Variants in SYT6 observed in about 807,000 individuals in gnomAD.
SYT6 encodes the protein synaptotagmin-6.
SYT6 carries 24 observed loss-of-function variants against 38.4 expected under a neutral mutation model. That is an observed-to-expected ratio of 0.62 (90% CI 0.45 to 0.88). The LOEUF (loss-of-function observed/expected upper bound fraction) is 0.88, where lower values mean the gene tolerates loss of function less well. Among genes scored for constraint, SYT6 ranks in the 40% least tolerant of loss-of-function variants. The pLI, the probability that SYT6 is intolerant of heterozygous loss-of-function variation, is 0.00. For missense variants in SYT6, 611 were observed against 621.0 expected, an observed-to-expected ratio of 0.98 and a Z score of 0.17; for synonymous variants, 265 against 241.9, an observed-to-expected ratio of 1.10 and a Z score of -0.89.
At chr1:114,095,227 C>G (rs552327936) in intron 6 of SYT6, among the ~76,000 whole-genome samples, 3 of 152,294 alleles carry the variant, frequency 2.0e-5, no homozygotes, top group South Asian at 2.1e-4. Flanking sequence ...GTTACTTTCC[C>G]ATTACTGTCT....
intron 7 of SYT6, among the ~76,000 whole-genome samples, chr1:114,092,334 C>CT (rs1234407547): frequency 7.2e-6 from 1 of 138,398 alleles, no homozygotes; most frequent in African/African-American, 2.6e-5. Context: ...CTCTCTCTCT[C>CT]TCTCTGTGTG....
At chr1:114,092,352 G>C (rs932371624) in intron 7 of SYT6, among the ~76,000 whole-genome samples, 156 of 150,908 alleles carry the variant, frequency 1.0e-3, no homozygotes, top group African/African-American at 3.3e-3. Flanking sequence ...GTGTGTGTGT[G>C]TGTGTGTGTG....
At position 114,139,639 on chromosome 1, in the gene SYT6, G is replaced by C. The variant is rs377145374; in HGVS notation, c.488C>G (p.Thr163Ser). ...IMRHTRLQRQTTEPASSTRHT... is the reference protein window; with the variant it reads ...IMRHTRLQRQSTEPASSTRHT... ...CCTGGTGGATGACGCTGGCTCTGTA[G>C]TTTGCCGCTGCAGCCGGGTGTGACG... Residue 163 changes from threonine to serine, a missense_variant, in exon 2 of 8, where the codon ACT becomes AGT. Thr to Ser is a moderately conservative substitution (Grantham distance 58). Coordinates refer to ENST00000610222, the MANE Select transcript of SYT6 (RefSeq NM_001253772.2). The C allele has an allele frequency of 5.0e-6, 8 of 1,614,100 alleles. No homozygotes were observed. The highest frequency in any genetic ancestry group is 6.8e-6 in the Non-Finnish European group (8 of 1,180,052).
intron 7 of SYT6, among the ~76,000 whole-genome samples, chr1:114,092,342 G>C (rs57663592): frequency 0.093 from 11,360 of 122,642 alleles, 1,370 homozygotes; most frequent in African/African-American, 0.31. Flanking sequence ...CTCTCTCTGT[G>C]TGTGTGTGTG....
chr1:114,140,239 T>G (rs952553973), intron 1 of SYT6, among the ~76,000 whole-genome samples: 1 of 151,520 alleles, frequency 6.6e-6, no homozygotes, highest in African/African-American at 2.4e-5. Context: ...CCAGCCAGCT[T>G]GGGGAGCACC....
In SYT6 at chr1:114,148,746, C is replaced by G. The variant is rs868848454; in HGVS notation, c.163+4864G>C. On this transcript the variant is annotated intron_variant, in intron 1 of 7. Coordinates refer to ENST00000610222, the MANE Select transcript of SYT6 (RefSeq NM_001253772.2). ...ATGCCCTTTACATTATCTAATTTAA[C>G]CTTTCTAGCCTCCCTAAGAAATTGG... Among the ~76,000 whole-genome samples the G allele has an allele frequency of 7.9e-5, 12 of 152,172 alleles. No individual in the cohort carries two copies. The Middle Eastern group carries it at 0.014, about 173-fold the overall frequency.
chr1:114,150,300 A>G (rs1679379480), intron 1 of SYT6, among the ~76,000 whole-genome samples: 1 of 152,224 alleles, frequency 6.6e-6, no homozygotes, highest in South Asian at 2.1e-4. Flanking sequence ...TTCTAGAACT[A>G]TAAATCTAAG....
At chr1:114,107,529 G>A (rs531269792) in intron 3 of SYT6, among the ~76,000 whole-genome samples, 5 of 152,358 alleles carry the variant, frequency 3.3e-5, no homozygotes, top group East Asian at 1.9e-4. Context: ...GGCTTCGCAC[G>A]GGGGAGTGGC....
chr1:114,122,707 T>C (rs1451627614), intron 3 of SYT6, among the ~76,000 whole-genome samples: 2 of 152,140 alleles, frequency 1.3e-5, no homozygotes, highest in Non-Finnish European at 2.9e-5. Context: ...ACCCACTCCC[T>C]AAAAAGAGCT....
chr1:114,138,098 A>C, intron 2 of SYT6, 45 bp from the exon 3 acceptor site: 24 of 1,553,908 alleles, frequency 1.5e-5, no homozygotes, highest in Non-Finnish European at 1.9e-5. Flanking sequence ...GTCAGGGCTC[A>C]GGGGAAGGGG....
chr1:114,122,527 A>G (rs1438342666), intron 3 of SYT6, among the ~76,000 whole-genome samples: 1 of 119,158 alleles, frequency 8.4e-6, no homozygotes, highest in African/African-American at 3.2e-5. Context: ...GAGCATATGC[A>G]CACACACACG....
At position 114,153,854 on chromosome 1, in the gene SYT6, A is replaced by C; in HGVS notation, c.-82T>G. 3.6e-6 allele frequency: 2 copies of C among 562,152 alleles called. No individual in the cohort carries two copies. Among genetic ancestry groups the C allele is most frequent in the Non-Finnish European group, 6.2e-6 (2 of 324,282 alleles). The allele number at this position is 562,152 out of a possible 1,614,324, so 34.8% of individuals were successfully genotyped here. A position where few individuals can be genotyped will look rare whatever the true frequency, so the allele number is the denominator to read the frequency against. ...GGGGCGGGGCACGACGGCCCCAAGA[A>C]GACCCTCCCTGCAGCGGCCCCCTGC... On this transcript the variant is annotated 5_prime_UTR_variant, in exon 1 of 8. Transcript: ENST00000610222.
At chr1:114,152,058 A>T (rs1679464759) in intron 1 of SYT6, among the ~76,000 whole-genome samples, 1 of 152,028 alleles carries the variant, frequency 6.6e-6, no homozygotes, top group South Asian at 2.1e-4. Flanking sequence ...CCAAGGCTGG[A>T]TACAGCCCCC....
intron 1 of SYT6, among the ~76,000 whole-genome samples, chr1:114,141,956 C>G (rs1431416402): frequency 6.6e-6 from 1 of 152,208 alleles, no homozygotes; most frequent in African/African-American, 2.4e-5. Flanking sequence ...ACTTACTGCT[C>G]AGAAGAAATG....
rs563467053 is a variant in SYT6 at position 114,126,093 on chromosome 1, A to G, written c.1071+11402T>C. 3.3e-5 allele frequency among the ~76,000 whole-genome samples: 5 copies of G among 152,286 alleles called. No individual in the cohort carries two copies. The East Asian group carries it at 7.7e-4, about 23-fold the overall frequency. ...GCAAGAGAATTTCCTATAAAAACCC[A>G]GAGACTAGGAAGGGCATGGGCTGGG... On this transcript the variant is annotated intron_variant, in intron 3 of 7. Transcript: ENST00000610222.
chr1:114,149,890 T>C (rs1679357032), intron 1 of SYT6, among the ~76,000 whole-genome samples: 1 of 152,138 alleles, frequency 6.6e-6, no homozygotes, highest in Admixed American at 6.5e-5. Flanking sequence ...TGTGTCATTA[T>C]ACTTGGAGGG....
intron 2 of SYT6, 29 bp downstream of exon 2, chr1:114,139,586 G>T (rs752994302): frequency 1.9e-6 from 3 of 1,613,100 alleles, no homozygotes; most frequent in Non-Finnish European, 2.5e-6. Context: ...AGGTGTGGGG[G>T]TCAGGGAAGG....
At chr1:114,141,058 C>A (rs533085097) in intron 1 of SYT6, among the ~76,000 whole-genome samples, 2 of 152,076 alleles carry the variant, frequency 1.3e-5, no homozygotes, top group Non-Finnish European at 2.9e-5. Flanking sequence ...TGCTGAGGCA[C>A]AACAATATTG....
intron 1 of SYT6, among the ~76,000 whole-genome samples, chr1:114,144,119 C>T (rs1679035093): frequency 1.3e-5 from 2 of 152,144 alleles, no homozygotes; most frequent in African/African-American, 2.4e-5. Flanking sequence ...TCATCGTCAC[C>T]CCAGACTTCT....
Sources: allele counts gnomAD v4.1 joint callset (sites outside exome capture counted in the v4.1 genomes callset), GRCh38; gene constraint gnomAD v4.1.1; transcripts MANE v1.5; gene names NCBI Gene and HGNC (gene_info 2026-07-23, HGNC 2026-07-21).